Variants in PLA2R1 observed in about 807,000 individuals in gnomAD.
The protein encoded by PLA2R1 is phospholipase A2 receptor 1.
In PLA2R1, 158 loss-of-function variants were observed where a neutral mutation model predicts 195.9. The observed-to-expected ratio is 0.81, with a 90% CI of 0.71 to 0.92. The LOEUF (loss-of-function observed/expected upper bound fraction) is 0.92, where lower values mean the gene tolerates loss of function less well. Among genes scored for constraint, PLA2R1 ranks in the 40% least tolerant of loss-of-function variants. The pLI is 0.00. For synonymous variants in PLA2R1, 586 were observed against 598.2 expected (o/e 0.98, Z 0.30); for missense variants, 1,626 against 1,764.6 (o/e 0.92, Z 1.41).
chr2:160,003,813 A>G (rs1024441828), intron 11 of PLA2R1, among the ~76,000 whole-genome samples: 5 of 152,202 alleles, frequency 3.3e-5, no homozygotes, highest in African/African-American at 1.2e-4. Flanking sequence ...AGAAATGAAA[A>G]TGAATTTCAC....
rs1249464857 is a variant in PLA2R1 at position 159,940,155 on chromosome 2, T to G, written c.*1623A>C. 1 of 152,172 alleles carries G rather than the reference T, an allele frequency of 6.6e-6. No individual in the cohort carries two copies. The highest frequency in any genetic ancestry group is 2.4e-5 in the African/African-American group (1 of 41,436). 9.4% of individuals were successfully genotyped at this position (152,172 alleles called of 1,614,324 possible). On this transcript the variant is annotated 3_prime_UTR_variant, in exon 30 of 30. Coordinates refer to ENST00000283243, the MANE Select transcript of PLA2R1 (RefSeq NM_007366.5). ...TTTCTCTCAGAGCTCCCCCTTGTGA[T>G]TAGTGGCCACTGGTTTTGAGGCAGT...
intron 1 of PLA2R1, among the ~76,000 whole-genome samples, chr2:160,053,666 C>G (rs1020734821): frequency 6.6e-6 from 1 of 152,228 alleles, no homozygotes; most frequent in African/African-American, 2.4e-5. Flanking sequence ...GCATCCACTC[C>G]CAGGGCCCAG....
intron 4 of PLA2R1, among the ~76,000 whole-genome samples, chr2:160,031,811 G>C (rs1056115545): frequency 6.6e-6 from 1 of 152,166 alleles, no homozygotes; most frequent in Non-Finnish European, 1.5e-5. Flanking sequence ...CTGCCACCCA[G>C]GCTGGAGTGC....
chr2:160,021,977 T>C (rs1449835970), intron 7 of PLA2R1, among the ~76,000 whole-genome samples: 1 of 152,052 alleles, frequency 6.6e-6, no homozygotes, highest in East Asian at 1.9e-4. Flanking sequence ...CAAATGCAAA[T>C]GATTAGGAAA....
Position 159,937,610 on chromosome 2 carries a change from T to A in PLA2R1, c.*4168A>T, listed in dbSNP as rs576449054. On this transcript the variant is annotated 3_prime_UTR_variant, in exon 30 of 30. Coordinates refer to ENST00000283243, the MANE Select transcript of PLA2R1 (RefSeq NM_007366.5). ...TTCTGGATAACATAAGATGTTAGGT[T>A]CTTGGCAACACATGCTTCACTTTGC... The A allele has an allele frequency of 1.3e-5, 2 of 152,364 alleles. No individual in the cohort carries two copies. The highest frequency in any genetic ancestry group is 2.1e-4 in the South Asian group (1 of 4,830). The allele number at this position is 152,364 out of a possible 1,614,324, so 9.4% of individuals were successfully genotyped here.
chr2:159,946,288 T>C, intron 27 of PLA2R1: 8 of 985,512 alleles, frequency 8.1e-6, no homozygotes, highest in Non-Finnish European at 9.6e-6. Context: ...AAGCTCTCCA[T>C]ACCAATTAAA....
At chr2:159,979,731 T>G in intron 14 of PLA2R1, 99 bp downstream of exon 14, 2 of 639,056 alleles carry the variant, frequency 3.1e-6, no homozygotes, top group Admixed American at 5.6e-5. Flanking sequence ...TCATGGGAGC[T>G]CTGGCCATCA....
intron 1 of PLA2R1, among the ~76,000 whole-genome samples, chr2:160,055,091 A>G (rs1695451481): frequency 6.6e-6 from 1 of 152,222 alleles, no homozygotes; most frequent in African/African-American, 2.4e-5. Context: ...TGGAACCTGC[A>G]TTGTGTGGCA....
rs949291920 is a variant in PLA2R1 at position 159,938,166 on chromosome 2, C to T, written c.*3612G>A. 2 of 152,202 alleles carry T rather than the reference C, an allele frequency of 1.3e-5. No individual in the cohort carries two copies. The highest frequency in any genetic ancestry group is 2.9e-5 in the Non-Finnish European group (2 of 68,052). The allele number at this position is 152,202 out of a possible 1,614,324, so 9.4% of individuals were successfully genotyped here. A position where few individuals can be genotyped will look rare whatever the true frequency, so the allele number is the denominator to read the frequency against. On this transcript the variant is annotated 3_prime_UTR_variant, in exon 30 of 30. Transcript: ENST00000283243. ...TGAGGACTTTTGACTTAGAGGATTTCAACAGCCTGTGGAAGCTCCATAATG... is the reference window on the plus strand; with the variant it reads ...TGAGGACTTTTGACTTAGAGGATTTTAACAGCCTGTGGAAGCTCCATAATG...
chr2:160,016,822 A>G, intron 8 of PLA2R1, 110 bp from the exon 9 acceptor site: 2 of 633,862 alleles, frequency 3.2e-6, no homozygotes, highest in Non-Finnish European at 5.7e-6. Context: ...CGCGTGGGAT[A>G]ATGTTTCAGG....
At position 160,044,774 on chromosome 2, in the gene PLA2R1, C is replaced by T. The variant is rs1357733993; in HGVS notation, c.493G>A (p.Asp165Asn). The T allele has an allele frequency of 1.7e-5, 28 of 1,605,212 alleles. No individual in the cohort carries two copies. The highest frequency in any genetic ancestry group is 2.2e-5 in the Non-Finnish European group (26 of 1,173,212). ...GGDICEYLHK[D>N]LHTIKGNTHG... ...GAGTGCTTCTTTAAATTATTTTTAC[C>T]TTTGTGTAGATATTCACAAATGTCT... Residue 165 changes from aspartate (D) to asparagine (N), a missense_variant and splice_region_variant, in exon 2 of 30, where the codon GAT becomes AAT. Asp to Asn is a conservative substitution (Grantham distance 23, BLOSUM62 1). Transcript: ENST00000283243.
intron 20 of PLA2R1, among the ~76,000 whole-genome samples, chr2:159,964,719 T>G (rs950159293): frequency 1.3e-5 from 2 of 151,802 alleles, no homozygotes; most frequent in African/African-American, 4.9e-5. Flanking sequence ...TAAAAAAAAA[T>G]TATTAAATAC....
At chr2:159,979,983 A>T in intron 13 of PLA2R1, 69 bp from the exon 14 acceptor site, 1 of 873,970 alleles carries the variant, frequency 1.1e-6, no homozygotes, top group Non-Finnish European at 1.9e-6. Flanking sequence ...AAGGTTCAAA[A>T]AATACCAGCA....
chr2:159,928,841 A>C (rs1686534277), downstream of PLA2R1, among the ~76,000 whole-genome samples: 1 of 152,244 alleles, frequency 6.6e-6, no homozygotes, highest in Admixed American at 6.5e-5. Context: ...TCTCAGAAAT[A>C]AAGCCAAATA....
intron 1 of PLA2R1, among the ~76,000 whole-genome samples, chr2:160,058,071 C>CA (rs1245947633): frequency 6.6e-6 from 1 of 151,906 alleles, no homozygotes; most frequent in African/African-American, 2.4e-5. Flanking sequence ...TCTCTGGTCT[C>CA]ATGTCCTCAC....
rs1269762566 is a variant in PLA2R1, at chr2:159,939,146, T to C, written c.*2632A>G. 1 of 152,158 alleles carries C rather than the reference T, an allele frequency of 6.6e-6. No homozygotes were observed. Among genetic ancestry groups the C allele is most frequent in the East Asian group, 1.9e-4 (1 of 5,192 alleles). The allele number at this position is 152,158 out of a possible 1,614,324, so 9.4% of individuals were successfully genotyped here. A position where few individuals can be genotyped will look rare whatever the true frequency, so the allele number is the denominator to read the frequency against. On this transcript the variant is annotated 3_prime_UTR_variant, in exon 30 of 30. Coordinates refer to ENST00000283243, the MANE Select transcript of PLA2R1 (RefSeq NM_007366.5). ...GTGTAACCATCACGCAAATAGTGTATAATATACCCATTACCTGCTACTTTT... is the reference window on the plus strand; with the variant it reads ...GTGTAACCATCACGCAAATAGTGTACAATATACCCATTACCTGCTACTTTT...
intron 17 of PLA2R1, among the ~76,000 whole-genome samples, chr2:159,971,025 A>C (rs943233022): frequency 1.3e-5 from 2 of 152,162 alleles, no homozygotes; most frequent in Non-Finnish European, 2.9e-5. Context: ...TGGGTACAGC[A>C]AACTACCATG....
At chr2:160,043,143 G>C (rs544331586) in intron 2 of PLA2R1, among the ~76,000 whole-genome samples, 8 of 152,216 alleles carry the variant, frequency 5.3e-5, no homozygotes, top group African/African-American at 1.9e-4. Context: ...CTGTCTCCCC[G>C]CCATACTGCG....
chr2:160,035,961 C>T (rs927517595), intron 3 of PLA2R1, among the ~76,000 whole-genome samples: 2 of 152,210 alleles, frequency 1.3e-5, no homozygotes, highest in Non-Finnish European at 2.9e-5. Flanking sequence ...CTGATTTACT[C>T]TCTTTTCTTG....
Sources: allele counts gnomAD v4.1 joint callset (sites outside exome capture counted in the v4.1 genomes callset), GRCh38; gene constraint gnomAD v4.1.1; transcripts MANE v1.5; gene names NCBI Gene and HGNC (gene_info 2026-07-23, HGNC 2026-07-21).